LSR: variants seen among roughly 807,000 people sequenced by gnomAD.
LSR encodes the protein lipolysis-stimulated lipoprotein receptor.
LSR carries 44 observed loss-of-function variants against 61.8 expected under a neutral mutation model. The ratio of observed to expected loss-of-function variants is 0.71; its 90% confidence interval spans 0.56 to 0.91. LSR has a LOEUF of 0.91. Ranked by LOEUF, LSR falls within the 40% of genes least tolerant of loss-of-function variation. The pLI, the probability that LSR is intolerant of heterozygous loss-of-function variation, is 0.00. For synonymous variants in LSR, 397 were observed against 350.6 expected, an observed-to-expected ratio of 1.13 and a Z score of -1.48; for missense variants, 911 against 830.5, an observed-to-expected ratio of 1.10 and a Z score of -1.19.
At chr19:35,265,411 A>G (rs1368427537) in intron 5 of LSR, among the ~76,000 whole-genome samples, 1 of 152,104 alleles carries the variant, frequency 6.6e-6, no homozygotes, top group African/African-American at 2.4e-5. Flanking sequence ...GCCTCCGCCC[A>G]CCCTTCAGGA....
chr19:35,267,766 T>C, intron 9 of LSR, 32 bp downstream of exon 9: 5 of 1,613,262 alleles, frequency 3.1e-6, no homozygotes, highest in Non-Finnish European at 4.2e-6. Flanking sequence ...GTCCAGACCG[T>C]CCCTGGGCCC....
intron 2 of LSR, 21 bp downstream of exon 2, chr19:35,250,680 G>C: frequency 2.6e-6 from 4 of 1,520,098 alleles, no homozygotes; most frequent in Non-Finnish European, 3.6e-6. Context: ...CAGGGCAGGG[G>C]GATGAGGCTG....
At chr19:35,266,245 G>A (rs1288611748) in intron 5 of LSR, 114 bp from the exon 6 acceptor site, 37 of 775,850 alleles carry the variant, frequency 4.8e-5, no homozygotes, top group South Asian at 2.1e-4. Context: ...GCTCTACAGC[G>A]GAGAGGACGG....
At chr19:35,257,749 C>T (rs531989774) in intron 2 of LSR, among the ~76,000 whole-genome samples, 2 of 152,168 alleles carry the variant, frequency 1.3e-5, no homozygotes, top group Non-Finnish European at 2.9e-5. Context: ...CTGGTAGGTG[C>T]CCTGGTCCCA....
At chr19:35,264,045 G>A (rs2005926) in intron 5 of LSR, 151,496 of 152,250 alleles carry the variant, frequency 1, 75,373 homozygotes, top group Middle Eastern at 1. Flanking sequence ...ACCTCAGGCA[G>A]TCCGCTCCCC....
chr19:35,266,963 G>C lies in LSR; in HGVS notation c.1140G>C (p.Glu380Asp), dbSNP rs779049944. The C allele has an allele frequency of 6.8e-6, 11 of 1,611,018 alleles. No individual in the cohort carries two copies. In the Admixed American group the frequency reaches 1.7e-4, roughly 25 times the overall value. Residue 380 changes from glutamate to aspartate, a missense_variant, in exon 8 of 10, where the codon GAG becomes GAC. Transcript: ENST00000605618. ...SRPGPPSGRV[E>D]RAMSEVTSLH... ...CTGGCCCCCCCAGTGGCCGTGTGGA[G>C]CGGGGTAAGCAGGAGCCTTGGGGTC...
intron 5 of LSR, among the ~76,000 whole-genome samples, 172 bp from the exon 6 acceptor site, chr19:35,266,187 G>T (rs1011430073): frequency 6.6e-6 from 1 of 152,202 alleles, no homozygotes; most frequent in African/African-American, 2.4e-5. Flanking sequence ...CCTCAGGGAT[G>T]CTGCAGAAAT....
In LSR at chr19:35,250,449, T is replaced by A; in HGVS notation, c.244T>A (p.Ser82Thr). 1 of 1,613,950 alleles carries A rather than the reference T, an allele frequency of 6.2e-7. No individual in the cohort carries two copies. The highest frequency in any genetic ancestry group is 1.7e-5 in the Admixed American group (1 of 60,004). Reference protein sequence around the residue: ...TQPIVIWKYKSFCRDRIADAF... With the variant: ...TQPIVIWKYKTFCRDRIADAF... ...ACCCATCGTCATCTGGAAGTACAAG[T>A]CTTTCTGCCGGGACCGCATCGCCGA... is the stretch of plus-strand genomic sequence containing the variant. Residue 82 changes from serine to threonine, a missense_variant, in exon 2 of 10, where the codon TCT becomes ACT. Physicochemically the swap from Ser to Thr is moderately conservative, Grantham distance 58. Transcript: ENST00000605618.
chr19:35,257,047 G>A (rs1014997393), intron 2 of LSR, among the ~76,000 whole-genome samples: 2 of 151,928 alleles, frequency 1.3e-5, no homozygotes, highest in Admixed American at 6.6e-5. Flanking sequence ...CATGTTGGCC[G>A]GGCTGGTCTG....
In LSR at chr19:35,259,054, C is replaced by T. The variant is rs2065891561; in HGVS notation, c.564C>T (p.Leu188=). The T allele has an allele frequency of 6.2e-7, 1 of 1,613,380 alleles. No homozygotes were observed. Among genetic ancestry groups the T allele is most frequent in the Non-Finnish European group, 8.5e-7 (1 of 1,179,530 alleles). The part of the protein sequence containing the change: ...LQGNNEAYAE[L]IVLGRTSGVA... ...GGAACAATGAGGCCTACGCAGAGCT[C>T]ATCGTCCTTGGTGAGTGGGCCTGGG... The change falls in exon 3 of 10, where the codon CTC becomes CTT. Residue 188 remains leucine, a synonymous_variant. Coordinates refer to ENST00000605618, the MANE Select transcript of LSR (RefSeq NM_205834.4).
At chr19:35,249,240 G>A in intron 1 of LSR, 109 bp downstream of exon 1, 5 of 1,332,594 alleles carry the variant, frequency 3.8e-6, no homozygotes, top group African/African-American at 1.5e-5. Context: ...TCAGAGGCTG[G>A]GACCTTCCGA....
At chr19:35,264,483 G>A (rs2280744) in intron 5 of LSR, 25,997 of 152,176 alleles carry the variant, frequency 0.17, 2,603 homozygotes, top group Middle Eastern at 0.22. Context: ...TGTACACTAA[G>A]TGGCACTGAT....
chr19:35,249,105 G>A lies in LSR; in HGVS notation c.83G>A (p.Trp28Ter), dbSNP rs1466762090. 2 of 1,550,922 alleles carry A rather than the reference G, an allele frequency of 1.3e-6. No homozygotes were observed. The highest frequency in any genetic ancestry group is 2.4e-5 in the East Asian group (1 of 41,364). ...AAGRDAVVFV[W>*]LLLSTWCTAP... The stretch of plus-strand genomic sequence containing the variant: ...GGCCGGGACGCGGTCGTCTTCGTGT[G>A]GCTTCTGCTTAGCACCTGGTGCACA... Residue 28 changes from tryptophan to a stop codon, truncating the protein, a stop_gained, in exon 1 of 10, where the codon TGG becomes TAG. Transcript: ENST00000605618. LOFTEE classifies it high-confidence loss of function.
chr19:35,267,459 C>T lies in LSR; in HGVS notation c.1495C>T (p.Arg499Trp), dbSNP rs1412645432. 2.5e-6 allele frequency: 4 copies of T among 1,610,424 alleles called. No homozygotes were observed. The highest frequency in any genetic ancestry group is 2.5e-6 in the Non-Finnish European group (3 of 1,179,330). The change falls in exon 9 of 10, where the codon CGG (arginine) becomes TGG (tryptophan). Residue 499 changes from arginine (R) to tryptophan (W), a missense_variant. Physicochemically the swap from Arg to Trp is moderately radical, Grantham distance 101 (BLOSUM62 -3). Transcript: ENST00000605618. Reference protein sequence around the residue: ...QDDSRDFPRSRDPHYDDFRSR... With the variant: ...QDDSRDFPRSWDPHYDDFRSR... ...CGACTCGAGGGACTTCCCACGCTCC[C>T]GGGACCCCCACTACGACGACTTCAG...
intron 3 of LSR, among the ~76,000 whole-genome samples, chr19:35,260,118 TG>T (rs951771213): frequency 9.8e-5 from 15 of 152,312 alleles, no homozygotes; most frequent in African/African-American, 3.6e-4. Context: ...CAGGAACCTC[TG>T]CCTGTTCTTC....
In LSR at chr19:35,267,284, GC is replaced by G; in HGVS notation, c.1324del (p.Arg442GlyfsTer106). On this transcript the variant is annotated frameshift_variant, in exon 9 of 10. Transcript: ENST00000605618. LOFTEE classifies it high-confidence loss of function. The part of the protein sequence containing the change: ...QAGGGWRARR[P>X]RARSVDALDD... ...CAGGCGGGGGCTGGCGGGCCAGGCG[GC>G]CCCGGGCCCGCTCCGTGGACGCCCT... 1 of 1,518,906 alleles carries G rather than the reference GC, an allele frequency of 6.6e-7. No individual in the cohort carries two copies. Among genetic ancestry groups the G allele is most frequent in the Non-Finnish European group, 8.8e-7 (1 of 1,131,880 alleles). The allele number at this position is 1,518,906 out of a possible 1,614,324, so 94.1% of individuals were successfully genotyped here. A position where few individuals can be genotyped will look rare whatever the true frequency, so the allele number is the denominator to read the frequency against.
Position 35,267,831 on chromosome 19 carries a change from C to T in LSR, c.1778C>T (p.Ala593Val), listed in dbSNP as rs1262440791. ...SRERRLKKNLALSRESLVV is the reference protein window; with the variant it reads ...SRERRLKKNLVLSRESLVV ...TTTCTTTCTCCCTTGCAGAACTTGG[C>T]CCTGAGTCGGGAAAGTTTAGTCGTC... The change falls in exon 10 of 10, where the codon GCC becomes GTC. Residue 593 changes from alanine (A) to valine (V), a missense_variant. Physicochemically the swap from Ala to Val is moderately conservative, Grantham distance 64 (BLOSUM62 0). Transcript: ENST00000605618. 1 of 1,614,022 alleles carries T rather than the reference C, an allele frequency of 6.2e-7. No individual in the cohort carries two copies. The highest frequency in any genetic ancestry group is 8.5e-7 in the Non-Finnish European group (1 of 1,179,942).
At chr19:35,262,271 G>C (rs1157536477) in intron 4 of LSR, among the ~76,000 whole-genome samples, 1 of 152,114 alleles carries the variant, frequency 6.6e-6, no homozygotes, top group Non-Finnish European at 1.5e-5. Flanking sequence ...GGGGGCTGCA[G>C]TCTGTCTCCC....
At position 35,249,042 on chromosome 19, in the gene LSR, G is replaced by C. The variant is rs1376315690; in HGVS notation, c.20G>C (p.Gly7Ala). ...GCCGCGATGGCGCTGTTGGCCGGCGGGCTCTCCAGAGGGCTGGGCTCCCAC... is the reference window on the plus strand; with the variant it reads ...GCCGCGATGGCGCTGTTGGCCGGCGCGCTCTCCAGAGGGCTGGGCTCCCAC... MALLAG[G>A]LSRGLGSHPA... Residue 7 changes from glycine to alanine, a missense_variant, in exon 1 of 10, where the codon GGG (glycine) becomes GCG (alanine). Gly to Ala is a moderately conservative substitution (Grantham distance 60, BLOSUM62 0). Transcript: ENST00000605618. 6.3e-7 allele frequency: 1 copy of C among 1,592,360 alleles called. No individual in the cohort carries two copies. Among genetic ancestry groups the C allele is most frequent in the African/African-American group, 1.3e-5 (1 of 74,560 alleles).
Sources: gnomAD v4.1 joint callset for allele counts (sites outside exome capture counted in the v4.1 genomes callset) on GRCh38, gnomAD v4.1.1 for gene constraint, MANE v1.5 for transcripts, NCBI Gene and HGNC (gene_info 2026-07-23, HGNC 2026-07-21) for gene names.